Variants in FILIP1L observed in about 807,000 individuals in gnomAD.
The protein encoded by FILIP1L is filamin A interacting protein 1 like.
Under a neutral mutation model 96.6 loss-of-function variants are expected in FILIP1L, and 55 were observed. The ratio of observed to expected loss-of-function variants is 0.57; its 90% CI spans 0.46 to 0.71. The LOEUF (loss-of-function observed/expected upper bound fraction) is 0.71. FILIP1L is among the 30% of genes least tolerant of loss of function. The pLI, the probability that FILIP1L is intolerant of heterozygous loss-of-function variation, is 0.00. For missense variants in FILIP1L, 1,304 were observed against 1,321.2 expected (o/e 0.99, Z 0.20); for synonymous variants, 467 against 473.9 (o/e 0.99, Z 0.19).
intron 1 of FILIP1L, among the ~76,000 whole-genome samples, chr3:100,011,215 G>A (rs950933046): frequency 1.1e-4 from 17 of 152,114 alleles, no homozygotes; most frequent in Admixed American, 5.9e-4. Context: ...TACACTTTCT[G>A]TAAAAGTGAG....
At position 100,025,816 on chromosome 3, in the gene FILIP1L, T is replaced by G. The variant is rs13326499; in HGVS notation, c.-11+88237A>C. Reference sequence around the variant, plus strand: ...AAGCTCTGCTGTAGTCGACCTCCATTTTTTGTTGGTAAGCCCAGGGAAGAT... The same window carrying G: ...AAGCTCTGCTGTAGTCGACCTCCATGTTTTGTTGGTAAGCCCAGGGAAGAT... On this transcript the variant is annotated intron_variant, in intron 1 of 5. Transcript: ENST00000477258. 5.5e-3 allele frequency among the ~76,000 whole-genome samples: 836 copies of G among 152,234 alleles called. 5 individuals are homozygous for G. Among genetic ancestry groups the G allele is most frequent in the African/African-American group, 0.019 (787 of 41,546 alleles).
At chr3:99,894,646 A>C (rs1706191286) in intron 4 of FILIP1L, among the ~76,000 whole-genome samples, 1 of 152,228 alleles carries the variant, frequency 6.6e-6, no homozygotes, top group Admixed American at 6.5e-5. Flanking sequence ...ATCTTGCAGA[A>C]AGACTGTTTC....
rs553772055 is a variant in FILIP1L, at chr3:100,072,437, C to G, written c.-11+41616G>C. The stretch of plus-strand genomic sequence containing the variant: ...GTCTCTGGCTGACTTCCTGGATTCC[C>G]CCCTTTCTAGATGGCCCTTAATGGT... On this transcript the variant is annotated intron_variant, in intron 1 of 5. Coordinates refer to ENST00000477258, the MANE Select transcript of FILIP1L (RefSeq NM_001387850.1). 6.5e-4 allele frequency among the ~76,000 whole-genome samples: 99 copies of G among 152,320 alleles called. No individual in the cohort carries two copies. The Middle Eastern group carries it at 0.017, about 26-fold the overall frequency.
chr3:99,893,511 T>A (rs1393330196), intron 4 of FILIP1L, among the ~76,000 whole-genome samples: 1 of 152,178 alleles, frequency 6.6e-6, no homozygotes, highest in Non-Finnish European at 1.5e-5. Flanking sequence ...GTAACAAATA[T>A]TATTGTTCAT....
At position 99,878,567 on chromosome 3, in the gene FILIP1L, T is replaced by G. The variant is rs1316350979; in HGVS notation, c.606-27497A>C. ...ATGTTTGGTAAAGGAGTGTTCAGAT[T>G]TAACTGAGAAGTTTCTGTTTATTTT... On this transcript the variant is annotated intron_variant, in intron 4 of 5. Transcript: ENST00000477258. 2.6e-5 allele frequency among the ~76,000 whole-genome samples: 4 copies of G among 152,376 alleles called. No homozygotes were observed. In the East Asian group the frequency reaches 7.7e-4, roughly 29 times the overall value.
chr3:99,848,007 A>T (rs1475233666), intron 5 of FILIP1L: 4 of 1,109,114 alleles, frequency 3.6e-6, no homozygotes, highest in Admixed American at 4.5e-5. Flanking sequence ...AAAGTGAGTT[A>T]TGGAAAATGA....
At chr3:100,038,182 CTGACTTCAGG>C (rs1396543191) in intron 1 of FILIP1L, among the ~76,000 whole-genome samples, 4 of 152,122 alleles carry the variant, frequency 2.6e-5, no homozygotes, top group Admixed American at 1.3e-4. Flanking sequence ...TCTTGAACTC[CTGACTTCAGG>C]TGATCCAGCT....
chr3:100,006,690 C>T (rs549431046), intron 1 of FILIP1L, among the ~76,000 whole-genome samples: 63 of 151,562 alleles, frequency 4.2e-4, no homozygotes, highest in South Asian at 3.1e-3. Flanking sequence ...GGGTTGCACT[C>T]AGCCCTTAGC....
Position 99,849,138 on chromosome 3 carries a change from G to A in FILIP1L, c.2538C>T (p.Ser846=), listed in dbSNP as rs552204390. 6.2e-7 allele frequency: 1 copy of A among 1,614,150 alleles called. No homozygotes were observed. The part of the protein sequence containing the change: ...EDPNDEGSVL[S]FKCSQSTPCP... Reference sequence around the variant, plus strand: ...ATGGAGTAGACTGGCTGCATTTGAAGGACAGCACAGATCCCTCATCATTAG... The same window carrying A: ...ATGGAGTAGACTGGCTGCATTTGAAAGACAGCACAGATCCCTCATCATTAG... The change falls in exon 5 of 6, where the codon TCC becomes TCT. Residue 846 remains serine, a synonymous_variant. Coordinates refer to ENST00000477258, the MANE Select transcript of FILIP1L (RefSeq NM_001387850.1).
At chr3:99,910,759 C>G (rs1706761772) in intron 4 of FILIP1L, among the ~76,000 whole-genome samples, 1 of 83,504 alleles carries the variant, frequency 1.2e-5, no homozygotes, top group South Asian at 4.4e-4. Flanking sequence ...AACCCTCATG[C>G]AAGAAAGTAG....
intron 1 of FILIP1L, among the ~76,000 whole-genome samples, chr3:99,936,369 CTT>C (rs548149257): frequency 8.1e-5 from 7 of 86,382 alleles, no homozygotes; most frequent in African/African-American, 2.4e-4. Context: ...AGCTTGAAGC[CTT>C]TTTTTTTTTT....
At chr3:99,901,625 G>C (rs749134788) in intron 4 of FILIP1L, among the ~76,000 whole-genome samples, 1 of 152,172 alleles carries the variant, frequency 6.6e-6, no homozygotes, top group Non-Finnish European at 1.5e-5. Context: ...AAATATCAGC[G>C]ATGTGTATTC....
chr3:99,919,914 G>A (rs911613427), intron 4 of FILIP1L, among the ~76,000 whole-genome samples: 3 of 152,202 alleles, frequency 2.0e-5, no homozygotes, highest in Non-Finnish European at 4.4e-5. Flanking sequence ...TAAGGCCTCT[G>A]CACCACTGTT....
intron 5 of FILIP1L, among the ~76,000 whole-genome samples, chr3:99,839,785 A>G (rs1943050234): frequency 6.6e-6 from 1 of 151,982 alleles, no homozygotes; most frequent in South Asian, 2.1e-4. Flanking sequence ...ATGCAACAAA[A>G]CTCTTCAGTA....
intron 1 of FILIP1L, among the ~76,000 whole-genome samples, chr3:99,972,798 T>G (rs929035478): frequency 1.3e-5 from 2 of 152,216 alleles, no homozygotes; most frequent in African/African-American, 4.8e-5. Flanking sequence ...CTTCCATAAG[T>G]GTGAGGCAAG....
intron 4 of FILIP1L, among the ~76,000 whole-genome samples, chr3:99,904,420 G>T (rs1294054809): frequency 6.6e-6 from 1 of 152,144 alleles, no homozygotes; most frequent in East Asian, 1.9e-4. Flanking sequence ...AGTGTTTTCA[G>T]CCCTAGCATT....
At chr3:100,109,901 T>TG (rs2066459252) in intron 1 of FILIP1L, 1 of 114,708 alleles carries the variant, frequency 8.7e-6, no homozygotes, top group Non-Finnish European at 1.7e-5. Flanking sequence ...GTTTCTTTTA[T>TG]GACCCCCCCC....
intron 5 of FILIP1L, among the ~76,000 whole-genome samples, chr3:99,846,576 T>G (rs1943373372): frequency 6.6e-6 from 1 of 152,228 alleles, no homozygotes; most frequent in Non-Finnish European, 1.5e-5. Flanking sequence ...AAGATAAATG[T>G]GTTTAAACAG....
intron 4 of FILIP1L, among the ~76,000 whole-genome samples, chr3:99,862,879 G>A (rs1944329017): frequency 6.6e-6 from 1 of 152,214 alleles, no homozygotes; most frequent in Non-Finnish European, 1.5e-5. Flanking sequence ...GAATGATGCT[G>A]TGAATGTCCA....
Sources: allele counts gnomAD v4.1 joint callset (sites outside exome capture counted in the v4.1 genomes callset), GRCh38; gene constraint gnomAD v4.1.1; transcripts MANE v1.5; gene names NCBI Gene and HGNC (gene_info 2026-07-23, HGNC 2026-07-21).